FAM53A: variants seen among roughly 807,000 people sequenced by gnomAD.
FAM53A encodes protein FAM53A.
FAM53A carries 28 observed loss-of-function variants against 26.6 expected under a neutral mutation model. That is an observed-to-expected ratio of 1.05 (90% CI 0.78 to 1.45). FAM53A has a LOEUF of 1.45. Among genes scored for constraint, FAM53A ranks in the 40% most tolerant of loss-of-function variants. The pLI is 0.00. For missense variants in FAM53A, 650 were observed against 575.8 expected (o/e 1.13, Z -1.32); for synonymous variants, 290 against 253.1 (o/e 1.15, Z -1.38).
chr4:1,660,717 T>A (rs961105770), intron 2 of FAM53A, among the ~76,000 whole-genome samples: 5 of 151,832 alleles, frequency 3.3e-5, no homozygotes, highest in African/African-American at 1.2e-4. Flanking sequence ...TGAAACCCCA[T>A]CTCTACTAAA....
At chr4:1,651,962 C>T (rs1051796643) in intron 4 of FAM53A, among the ~76,000 whole-genome samples, 3 of 149,120 alleles carry the variant, frequency 2.0e-5, no homozygotes, top group African/African-American at 7.4e-5. Flanking sequence ...CACACACACA[C>T]ACCATGCACG....
chr4:1,586,799 G>GA, the FAM53A span, among the ~76,000 whole-genome samples: 4 of 138,814 alleles, frequency 2.9e-5, no homozygotes, highest in South Asian at 8.8e-4. Flanking sequence ...AAAAAAAAAA[G>GA]AAGAAGAAGT....
In FAM53A at chr4:1,652,466, GAC is replaced by G. The variant is rs974337741; in HGVS notation, c.882+2510_882+2511del. 1.2e-4 allele frequency among the ~76,000 whole-genome samples: 12 copies of G among 103,008 alleles called. No homozygotes were observed. In the Admixed American group the frequency reaches 1.2e-3, roughly 11 times the overall value. 67.6% of individuals were successfully genotyped at this position (103,008 alleles called of 152,430 possible). On this transcript the variant is annotated intron_variant, in intron 4 of 4. Coordinates refer to ENST00000308132, the MANE Select transcript of FAM53A (RefSeq NM_001174070.3). ...CACACACCACCCACCCCACACACAC[GAC>G]ACACATCACACATACCACACACGTC...
chr4:1,683,219 A>G (rs1240401096), intron 1 of FAM53A, among the ~76,000 whole-genome samples: 1 of 152,238 alleles, frequency 6.6e-6, no homozygotes, highest in Non-Finnish European at 1.5e-5. Context: ...TTTTGGGGTA[A>G]TATTGAAGAG....
chr4:1,625,031 G>T (rs113229939), intron 1 of FAM53A, among the ~76,000 whole-genome samples: 5,238 of 132,486 alleles, frequency 0.04, 14 homozygotes, highest in Middle Eastern at 0.098. Flanking sequence ...ACGTGGTCAG[G>T]GTCACGCCAG....
chr4:1,654,925 C>A, intron 4 of FAM53A, 53 bp downstream of exon 4: 1 of 1,470,828 alleles, frequency 6.8e-7, no homozygotes, highest in Non-Finnish European at 9.0e-7. Context: ...ACCCCAGCAC[C>A]GCCCTGTCCA....
intron 1 of FAM53A, among the ~76,000 whole-genome samples, chr4:1,671,765 C>T (rs1323627233): frequency 6.6e-6 from 1 of 152,284 alleles, no homozygotes; most frequent in Non-Finnish European, 1.5e-5. Context: ...CGAGGGGCTG[C>T]ACACCCACCT....
chr4:1,616,150 A>C (rs1714803197), downstream of FAM53A, among the ~76,000 whole-genome samples: 1 of 152,208 alleles, frequency 6.6e-6, no homozygotes, highest in Non-Finnish European at 1.5e-5. Flanking sequence ...CCAGGAGAGG[A>C]AGCATGTGAG....
chr4:1,600,678 G>A, the FAM53A span, among the ~76,000 whole-genome samples: 9 of 152,128 alleles, frequency 5.9e-5, no homozygotes, highest in Admixed American at 1.3e-4. Flanking sequence ...CGTTTTTGAG[G>A]CAGGATCTTG....
the FAM53A span, among the ~76,000 whole-genome samples, chr4:1,580,509 C>T: frequency 6.6e-6 from 1 of 151,240 alleles, no homozygotes; most frequent in Non-Finnish European, 1.5e-5. Flanking sequence ...GCCCCAGACC[C>T]CACCCGCCTC....
the FAM53A span, among the ~76,000 whole-genome samples, chr4:1,578,605 G>T: frequency 1.3e-5 from 2 of 151,142 alleles, no homozygotes; most frequent in South Asian, 2.1e-4. Flanking sequence ...AGACTCTGCA[G>T]GTCCCCATGG....
intron 4 of FAM53A, chr4:1,644,443 G>T: frequency 1.4e-6 from 2 of 1,402,258 alleles, no homozygotes; most frequent in Non-Finnish European, 1.9e-6. Context: ...ACAGCTCAGC[G>T]CCCAACAGCG....
At chr4:1,662,847 C>T (rs1336540783) in intron 2 of FAM53A, among the ~76,000 whole-genome samples, 1 of 152,060 alleles carries the variant, frequency 6.6e-6, no homozygotes, top group Admixed American at 6.6e-5. Context: ...CACTCCACAC[C>T]CATGCAGGTG....
At chr4:1,631,075 TTAATAC>T (rs1715591751) in intron 1 of FAM53A, among the ~76,000 whole-genome samples, 1 of 152,162 alleles carries the variant, frequency 6.6e-6, no homozygotes, top group Non-Finnish European at 1.5e-5. Context: ...AATAAATGTA[TTAATAC>T]TAACAATAAA....
At chr4:1,618,149 G>C (rs1342860117) in intron 1 of FAM53A, 1 of 456,164 alleles carries the variant, frequency 2.2e-6, no homozygotes, top group African/African-American at 2.0e-5. Context: ...GCTGCCTCTT[G>C]GGGAAGAAGT....
chr4:1,677,240 C>G (rs1715106531), intron 1 of FAM53A, among the ~76,000 whole-genome samples: 1 of 152,222 alleles, frequency 6.6e-6, no homozygotes, highest in Admixed American at 6.5e-5. Context: ...CAAGGCGCCT[C>G]AAGCAAGGTC....
chr4:1,661,002 C>A (rs977840925), intron 2 of FAM53A, among the ~76,000 whole-genome samples: 2 of 152,134 alleles, frequency 1.3e-5, no homozygotes, highest in African/African-American at 4.8e-5. Flanking sequence ...ATACCGTGCC[C>A]GCCAGGCCAG....
intron 1 of FAM53A, among the ~76,000 whole-genome samples, chr4:1,669,141 AAAG>A (rs1035567092): frequency 7.9e-5 from 12 of 152,314 alleles, no homozygotes; most frequent in African/African-American, 2.4e-4. Context: ...GCCTCAACTG[AAAG>A]AAGAAGATAG....
At chr4:1,644,030 G>C (rs1560140530) in intron 4 of FAM53A, among the ~76,000 whole-genome samples, 1 of 152,246 alleles carries the variant, frequency 6.6e-6, no homozygotes, top group Non-Finnish European at 1.5e-5. Flanking sequence ...CTGGGCCCCT[G>C]CTGGATGGCG....
Sources: allele counts gnomAD v4.1 joint callset (sites outside exome capture counted in the v4.1 genomes callset), GRCh38; gene constraint gnomAD v4.1.1; transcripts MANE v1.5; gene names NCBI Gene and HGNC (gene_info 2026-07-23, HGNC 2026-07-21).